The following DLGAP2 variants were observed in gnomAD, a reference collection of about 807,000 sequenced individuals.
The protein encoded by DLGAP2 is disks large-associated protein 2.
DLGAP2 carries 26 observed loss-of-function variants against 100.3 expected under a neutral mutation model. That is an observed-to-expected ratio of 0.26 (90% confidence interval 0.19 to 0.36). The LOEUF is 0.36. Ranked by LOEUF, DLGAP2 falls within the 10% of genes least tolerant of loss-of-function variation. DLGAP2 has a pLI of 1.00. For missense variants in DLGAP2, 1,858 were observed against 1,453.2 expected (o/e 1.28, Z -4.53); for synonymous variants, 886 against 630.1 (o/e 1.41, Z -6.08).
intron 2 of DLGAP2, among the ~76,000 whole-genome samples, chr8:1,202,517 T>C (rs147205971): frequency 2.2e-4 from 33 of 152,228 alleles, no homozygotes; most frequent in African/African-American, 7.5e-4. Context: ...TACAAAAACA[T>C]GTTTTAAGGA....
chr8:1,162,273 C>A (rs2129052765), intron 2 of DLGAP2, among the ~76,000 whole-genome samples: 1 of 152,274 alleles, frequency 6.6e-6, no homozygotes, highest in Admixed American at 6.5e-5. Context: ...CAGTGTTTAC[C>A]CTGCACCGGC....
At chr8:738,330 ACGGGGGCTCG>A (rs1282341787) in intron 1 of DLGAP2, among the ~76,000 whole-genome samples, 1 of 141,072 alleles carries the variant, frequency 7.1e-6, no homozygotes, top group Non-Finnish European at 1.5e-5. Flanking sequence ...GGCTGCGCGC[ACGGGGGCTCG>A]CGGGGGCGGG....
At chr8:1,566,548 G>T (rs1191397744) in intron 6 of DLGAP2, among the ~76,000 whole-genome samples, 1 of 152,206 alleles carries the variant, frequency 6.6e-6, no homozygotes, top group Non-Finnish European at 1.5e-5. Flanking sequence ...GTAATGCCAA[G>T]AACTGCCTGG....
intron 3 of DLGAP2, among the ~76,000 whole-genome samples, chr8:1,311,826 G>A (rs1437395672): frequency 1.3e-5 from 2 of 152,256 alleles, no homozygotes; most frequent in Non-Finnish European, 1.5e-5. Flanking sequence ...CAATAATAGA[G>A]GGAATAAATC....
chr8:1,628,797 G>C lies in DLGAP2; in HGVS notation c.1590+1910G>C, dbSNP rs554647283. Among the ~76,000 whole-genome samples, 23 of 152,052 alleles carry C rather than the reference G, an allele frequency of 1.5e-4. No individual in the cohort carries two copies. In the South Asian group the frequency reaches 2.9e-3, roughly 19 times the overall value. On this transcript the variant is annotated intron_variant, in intron 7 of 14. Transcript: ENST00000637795. ...TTAAGAGCCTGAGCGCAGGGATTAA[G>C]AGCCTGAGCCGACCTCACATTCTCT...
rs371264718 is a variant in DLGAP2 at position 1,549,459 on chromosome 8, G to T, written c.1006G>T (p.Gly336Trp). 7 of 1,613,296 alleles carry T rather than the reference G, an allele frequency of 4.3e-6. No homozygotes were observed. In the African/African-American group the frequency reaches 8.0e-5, roughly 18 times the overall value. ...CYPDALQSPF[G>W]DLSLKTSKSN... Reference sequence around the variant, plus strand: ...CCCCGACGCGCTGCAGAGCCCCTTCGGGGACCTGTCCCTCAAGACCTCCAA... The same window carrying T: ...CCCCGACGCGCTGCAGAGCCCCTTCTGGGACCTGTCCCTCAAGACCTCCAA... The change falls in exon 5 of 15, where the codon GGG (glycine) becomes TGG (tryptophan). Residue 336 changes from glycine to tryptophan, a missense_variant. Transcript: ENST00000637795.
chr8:1,347,466 G>C (rs1273907951), intron 3 of DLGAP2, among the ~76,000 whole-genome samples: 1 of 152,000 alleles, frequency 6.6e-6, no homozygotes, highest in African/African-American at 2.4e-5. Flanking sequence ...CCCATACAGA[G>C]CTGCATTGCT....
At chr8:1,537,991 A>G (rs907167722) in intron 4 of DLGAP2, among the ~76,000 whole-genome samples, 5 of 152,148 alleles carry the variant, frequency 3.3e-5, no homozygotes, top group African/African-American at 7.2e-5. Flanking sequence ...TGCGGGGGGA[A>G]CAGAGAGCTG....
At position 1,566,745 on chromosome 8, in the gene DLGAP2, G is replaced by A. The variant is rs958023064; in HGVS notation, c.1442+851G>A. ...TCTATCCACGCCGAGTGCACCCAGTGATGAGCCAGTGACCATATAACCTCT... is the reference window on the plus strand; with the variant it reads ...TCTATCCACGCCGAGTGCACCCAGTAATGAGCCAGTGACCATATAACCTCT... On this transcript the variant is annotated intron_variant, in intron 6 of 14. Transcript: ENST00000637795. 4.6e-5 allele frequency among the ~76,000 whole-genome samples: 7 copies of A among 152,330 alleles called. No individual in the cohort carries two copies. In the South Asian group the frequency reaches 1.2e-3, roughly 27 times the overall value.
chr8:1,622,462 G>A (rs1266491722), intron 6 of DLGAP2: 2 of 152,208 alleles, frequency 1.3e-5, no homozygotes, highest in Non-Finnish European at 2.9e-5. Flanking sequence ...CCTTTGTTAT[G>A]TATATTCGTT....
rs1385882601 is a variant in DLGAP2 at position 1,270,686 on chromosome 8, ATGTCTCTGTGTG to A, written c.106+11819_106+11830del. On this transcript the variant is annotated intron_variant, in intron 3 of 14. Coordinates refer to ENST00000637795, the MANE Select transcript of DLGAP2 (RefSeq NM_001346810.2). The stretch of plus-strand genomic sequence containing the variant: ...TGTCTCTGTGTGTGTCTCTCTATTT[ATGTCTCTGTGTG>A]TGTCTCTGTGTGTGTGTGTGTGTCT... Among the ~76,000 whole-genome samples the A allele has an allele frequency of 6.8e-3, 921 of 134,886 alleles. 11 individuals are homozygous for A. Among genetic ancestry groups the A allele is most frequent in the African/African-American group, 0.023 (838 of 36,942 alleles). The allele number at this position is 134,886 out of a possible 152,430, so 88.5% of individuals were successfully genotyped here. A position where few individuals can be genotyped will look rare whatever the true frequency, so the allele number is the denominator to read the frequency against.
intron 2 of DLGAP2, among the ~76,000 whole-genome samples, chr8:1,007,927 T>C (rs1490031276): frequency 6.6e-6 from 1 of 152,176 alleles, no homozygotes; most frequent in Non-Finnish European, 1.5e-5. Flanking sequence ...ACCCACTCCA[T>C]GGCGCCCGGT....
chr8:873,322 T>C (rs1381180845), intron 1 of DLGAP2, among the ~76,000 whole-genome samples: 1 of 152,212 alleles, frequency 6.6e-6, no homozygotes, highest in Admixed American at 6.5e-5. Flanking sequence ...TGAATGCCTT[T>C]TACTTCTCTT....
At chr8:798,266 C>T (rs1286035735) in intron 1 of DLGAP2, among the ~76,000 whole-genome samples, 1 of 149,282 alleles carries the variant, frequency 6.7e-6, no homozygotes, top group Non-Finnish European at 1.5e-5. Flanking sequence ...CTTGTTGATT[C>T]AGGACCTGCA....
chr8:1,143,286 A>C (rs768395962), intron 2 of DLGAP2, among the ~76,000 whole-genome samples: 1 of 152,232 alleles, frequency 6.6e-6, no homozygotes, highest in African/African-American at 2.4e-5. Context: ...ACTGAAACAT[A>C]GACATCCTAA....
intron 2 of DLGAP2, among the ~76,000 whole-genome samples, chr8:1,070,688 C>T (rs1803401282): frequency 6.6e-6 from 1 of 152,180 alleles, no homozygotes; most frequent in African/African-American, 2.4e-5. Context: ...CTCACTCCCT[C>T]CTTACAGAAA....
At chr8:1,572,704 T>C (rs1025416788) in intron 6 of DLGAP2, among the ~76,000 whole-genome samples, 14 of 33,496 alleles carry the variant, frequency 4.2e-4, no homozygotes, top group Admixed American at 1.2e-3. Flanking sequence ...ACTGTGGGGG[T>C]GTCTGATGAG....
At chr8:952,227 A>C (rs890954912) in intron 2 of DLGAP2, among the ~76,000 whole-genome samples, 1 of 152,184 alleles carries the variant, frequency 6.6e-6, no homozygotes, top group African/African-American at 2.4e-5. Context: ...CATATTTCCC[A>C]GTACATCCTA....
chr8:1,684,951 C>T (rs1447645143), intron 12 of DLGAP2, among the ~76,000 whole-genome samples: 2 of 152,114 alleles, frequency 1.3e-5, no homozygotes, highest in African/African-American at 2.4e-5. Flanking sequence ...CCCGAAGTAA[C>T]GAATAACCTA....
Sources: allele counts gnomAD v4.1 joint callset (sites outside exome capture counted in the v4.1 genomes callset), GRCh38; gene constraint gnomAD v4.1.1; transcripts MANE v1.5; gene names NCBI Gene and HGNC (gene_info 2026-07-23, HGNC 2026-07-21).